Variants in POLR1B observed in about 807,000 individuals in gnomAD.
POLR1B encodes DNA-directed RNA polymerase I subunit RPA2.
POLR1B carries 30 observed loss-of-function variants against 105.8 expected under a neutral mutation model. The ratio of observed to expected loss-of-function variants is 0.28; its 90% CI spans 0.21 to 0.38. The LOEUF (loss-of-function observed/expected upper bound fraction) is 0.38. Ranked by LOEUF, POLR1B falls within the 10% of genes least tolerant of loss-of-function variation. POLR1B has a pLI of 1.00. For missense variants in POLR1B, 976 were observed against 1,435.8 expected, an observed-to-expected ratio of 0.68 and a Z score of 5.17; for synonymous variants, 485 against 505.1, an observed-to-expected ratio of 0.96 and a Z score of 0.53.
intron 9 of POLR1B, among the ~76,000 whole-genome samples, chr2:112,564,086 A>T (rs1056930641): frequency 6.6e-6 from 1 of 152,104 alleles, no homozygotes; most frequent in Non-Finnish European, 1.5e-5. Flanking sequence ...ACAGATCACC[A>T]TAACAGATAT....
intron 6 of POLR1B, 23 bp downstream of exon 6, chr2:112,552,021 G>C (rs1171949459): frequency 1.3e-6 from 2 of 1,592,680 alleles, no homozygotes; most frequent in East Asian, 4.5e-5. Flanking sequence ...TGTCTAAACT[G>C]TTTTTGGAGG....
intron 10 of POLR1B, 39 bp downstream of exon 10, chr2:112,564,538 C>T (rs1684180205): frequency 6.2e-7 from 1 of 1,613,152 alleles, no homozygotes; most frequent in East Asian, 2.2e-5. Context: ...ATCCCTTGAC[C>T]TTAGGTTTTT....
At position 112,573,599 on chromosome 2, in the gene POLR1B, A is replaced by G; in HGVS notation, c.2309A>G (p.His770Arg). 1 of 1,614,212 alleles carries G rather than the reference A, an allele frequency of 6.2e-7. No individual in the cohort carries two copies. Among genetic ancestry groups the G allele is most frequent in the Non-Finnish European group, 8.5e-7 (1 of 1,180,034 alleles). Reference sequence around the variant, plus strand: ...GCCTCTTGGGAACGAGGCTTTGCCCATGGAAGTGTCTACAAGTCTGAGTTC... The same window carrying G: ...GCCTCTTGGGAACGAGGCTTTGCCCGTGGAAGTGTCTACAAGTCTGAGTTC... ...NKASWERGFA[H>R]GSVYKSEFID... Residue 770 changes from histidine (H) to arginine (R), a missense_variant, in exon 14 of 15, where the codon CAT becomes CGT. Physicochemically the swap from His to Arg is conservative, Grantham distance 29 (BLOSUM62 0). Coordinates refer to ENST00000263331, the MANE Select transcript of POLR1B (RefSeq NM_019014.6).
Position 112,564,476 on chromosome 2 carries a change from G to A in POLR1B, c.1723G>A (p.Ala575Thr), listed in dbSNP as rs564653507. Residue 575 changes from alanine (A) to threonine (T), a missense_variant, in exon 10 of 15, where the codon GCA (alanine) becomes ACA (threonine). Around this residue, in one of 12 missense-constraint regions of POLR1B, gnomAD observed 184 missense variants for 197.4 expected, o/e 0.93. Transcript: ENST00000263331. ...WVDKDLAPGI[A>T]DSLRHFKVLR... ...GGATAAGGATCTTGCTCCAGGCATC[G>A]CAGATTCTCTTCGTCATTTTAAGGT... 2.0e-5 allele frequency: 32 copies of A among 1,614,238 alleles called. 1 individual carries two copies. Among genetic ancestry groups the A allele is most frequent in the African/African-American group, 9.3e-5 (7 of 75,060 alleles).
Position 112,568,515 on chromosome 2 carries a change from C to T in POLR1B, c.1918-231C>T, listed in dbSNP as rs1684420175. ...TTTGTGCTACTTAAAAATTTTTCTT[C>T]CTATTCCCCTTCACAATTGGTCTGG... is the stretch of plus-strand genomic sequence containing the variant. On this transcript the variant is annotated intron_variant, in intron 11 of 14. Coordinates refer to ENST00000263331, the MANE Select transcript of POLR1B (RefSeq NM_019014.6). 2.0e-5 allele frequency among the ~76,000 whole-genome samples: 3 copies of T among 152,106 alleles called. No homozygotes were observed. In the South Asian group the frequency reaches 6.2e-4, roughly 32 times the overall value.
At chr2:112,568,576 A>G (rs550991744) in intron 11 of POLR1B, among the ~76,000 whole-genome samples, 170 bp from the exon 12 acceptor site, 1 of 152,326 alleles carries the variant, frequency 6.6e-6, no homozygotes, top group African/African-American at 2.4e-5. Context: ...AGCAAGTGGT[A>G]TTTCTAACTG....
At position 112,572,749 on chromosome 2, in the gene POLR1B, A is replaced by G; in HGVS notation, c.2262A>G (p.Glu754=). Residue 754 remains glutamate (E), a synonymous_variant, in exon 13 of 15, where the codon GAA becomes GAG. Coordinates refer to ENST00000263331, the MANE Select transcript of POLR1B (RefSeq NM_019014.6). The stretch of plus-strand genomic sequence containing the variant: ...TTTCTTACACTGGCTATGATATGGA[A>G]GATGCCATGGTAAGTTTTACCAGGA... ...AVISYTGYDM[E]DAMIVNKASW... is the part of the protein sequence containing the mutation. 6.3e-7 allele frequency: 1 copy of G among 1,583,454 alleles called. No homozygotes were observed. Among genetic ancestry groups the G allele is most frequent in the Non-Finnish European group, 8.6e-7 (1 of 1,163,018 alleles).
rs372807138 is a variant in POLR1B at position 112,575,577 on chromosome 2, C to G, written c.3256C>G (p.Pro1086Ala). ...LLSPLLEKPP[P>A]SWSAMRNRKY... is the part of the protein sequence containing the mutation. ...CTCTCCACTGTTGGAGAAGCCACCC[C>G]CTTCTTGGTCTGCCATGCGCAACAG... Residue 1086 changes from proline to alanine, a missense_variant, in exon 15 of 15, where the codon CCT (proline) becomes GCT (alanine). Transcript: ENST00000263331. The surrounding 1 kb of genome is among the most constrained non-coding windows in gnomAD (Gnocchi z 5.3). The G allele has an allele frequency of 1.3e-5, 21 of 1,614,044 alleles. No homozygotes were observed. The highest frequency in any genetic ancestry group is 1.6e-5 in the Non-Finnish European group (19 of 1,180,036).
rs761463229 is a variant in POLR1B, at chr2:112,573,625, A to G, written c.2335A>G (p.Ile779Val). The change falls in exon 14 of 15, where the codon ATA becomes GTA. Residue 779 changes from isoleucine to valine, a missense_variant. Around this residue, in one of 12 missense-constraint regions of POLR1B, gnomAD observed 119 missense variants for 149.7 expected, o/e 0.79. Coordinates refer to ENST00000263331, the MANE Select transcript of POLR1B (RefSeq NM_019014.6). ...TGGAAGTGTCTACAAGTCTGAGTTC[A>G]TAGACCTCTCTGAAAAAATTAAACA... ...AHGSVYKSEF[I>V]DLSEKIKQGD... 1.9e-6 allele frequency: 3 copies of G among 1,614,238 alleles called. No individual in the cohort carries two copies. Among genetic ancestry groups the G allele is most frequent in the Non-Finnish European group, 1.7e-6 (2 of 1,180,040 alleles).
chr2:112,542,476 C>G lies in POLR1B; in HGVS notation c.-19C>G. 1 of 1,613,658 alleles carries G rather than the reference C, an allele frequency of 6.2e-7. No individual in the cohort carries two copies. The highest frequency in any genetic ancestry group is 8.5e-7 in the Non-Finnish European group (1 of 1,179,982). The stretch of plus-strand genomic sequence containing the variant: ...CCGGCGTGTACCGAGAGACTGGCGT[C>G]CGGTGTGCAGGTGGCCACATGGATC... On this transcript the variant is annotated 5_prime_UTR_variant, in exon 1 of 15. Transcript: ENST00000263331.
chr2:112,572,956 G>A (rs1684667324), intron 13 of POLR1B, among the ~76,000 whole-genome samples, 198 bp downstream of exon 13: 3 of 152,144 alleles, frequency 2.0e-5, no homozygotes, highest in Admixed American at 6.5e-5. Flanking sequence ...TCAGATACAC[G>A]TATGTCTTGC....
chr2:112,544,201 C>A (rs1382971564), intron 1 of POLR1B, among the ~76,000 whole-genome samples: 4 of 151,952 alleles, frequency 2.6e-5, no homozygotes, highest in African/African-American at 4.8e-5. Flanking sequence ...GAGGTCAAGG[C>A]GGGTGGATCA....
chr2:112,546,150 T>G (rs566044552), intron 1 of POLR1B, among the ~76,000 whole-genome samples: 1 of 152,282 alleles, frequency 6.6e-6, no homozygotes, highest in African/African-American at 2.4e-5. Flanking sequence ...GTGATGCCCC[T>G]TCCTCAGAAC....
intron 1 of POLR1B, 162 bp downstream of exon 1, chr2:112,542,833 C>T (rs1682834558): frequency 2.4e-6 from 2 of 816,852 alleles, no homozygotes; most frequent in Non-Finnish European, 3.7e-6. Flanking sequence ...CGGTACTGGC[C>T]TTCGTGAGAC....
intron 12 of POLR1B, among the ~76,000 whole-genome samples, chr2:112,569,743 A>G (rs1684492587): frequency 6.6e-6 from 1 of 151,942 alleles, no homozygotes; most frequent in Admixed American, 6.6e-5. Context: ...TATTTTTAGT[A>G]GAGACGGGGT....
chr2:112,573,695 G>A lies in POLR1B; in HGVS notation c.2405G>A (p.Arg802His), dbSNP rs559403620. 3.5e-5 allele frequency: 56 copies of A among 1,614,194 alleles called. No individual in the cohort carries two copies. Among genetic ancestry groups the A allele is most frequent in the Middle Eastern group, 1.6e-4 (1 of 6,062 alleles). Residue 802 changes from arginine (R) to histidine (H), a missense_variant, in exon 14 of 15, where the codon CGC (arginine) becomes CAC (histidine). Coordinates refer to ENST00000263331, the MANE Select transcript of POLR1B (RefSeq NM_019014.6). Reference sequence around the variant, plus strand: ...TTTGGCATCAAACCTGGTGACCCACGCGTTCTGCAGAAGTTAGATGACGAT... The same window carrying A: ...TTTGGCATCAAACCTGGTGACCCACACGTTCTGCAGAAGTTAGATGACGAT... ...LVFGIKPGDPRVLQKLDDDGL... is the reference protein window; with the variant it reads ...LVFGIKPGDPHVLQKLDDDGL...
In POLR1B at chr2:112,549,240, A is replaced by T. The variant is rs200998756; in HGVS notation, c.493-27A>T. 14 of 1,611,266 alleles carry T rather than the reference A, an allele frequency of 8.7e-6. No homozygotes were observed. In the Admixed American group the frequency reaches 2.3e-4, roughly 27 times the overall value. On this transcript the variant is annotated intron_variant, in intron 3 of 14. Transcript: ENST00000263331. ...ACAGTTAGTCATGTATCTTTGTTTA[A>T]CAAGTTGCAATTCATCTTTTTGGCA...
rs980937894 is a variant in POLR1B, at chr2:112,575,888, C to T, written c.*159C>T. ...AACCAAGTATGCAAGGTTTCTGAAT[C>T]TCTCTGGTAGATTAACTATTGACAA... On this transcript the variant is annotated 3_prime_UTR_variant, in exon 15 of 15. Transcript: ENST00000263331. This position sits in a 1 kb window ranked among gnomAD's most constrained non-coding sequence, Gnocchi z 5.3. The T allele has an allele frequency of 1.6e-5, 11 of 686,612 alleles. No homozygotes were observed. In the South Asian group the frequency reaches 1.8e-4, roughly 11 times the overall value. The allele number at this position is 686,612 out of a possible 1,614,324, so 42.5% of individuals were successfully genotyped here.
intron 8 of POLR1B, 71 bp from the exon 9 acceptor site, chr2:112,559,222 G>A (rs762889615): frequency 1.1e-4 from 163 of 1,546,822 alleles, no homozygotes; most frequent in Middle Eastern, 2.1e-4. Context: ...AGGTTTTGTC[G>A]TCATAAAGCC....
Sources: allele counts gnomAD v4.1 joint callset (sites outside exome capture counted in the v4.1 genomes callset), GRCh38; gene constraint gnomAD v4.1.1; regional missense constraint gnomAD v4.1.1; non-coding constraint Gnocchi (gnomAD v3.1); transcripts MANE v1.5; gene names NCBI Gene and HGNC (gene_info 2026-07-23, HGNC 2026-07-21).